Variants in RAPGEF1 observed in about 807,000 individuals in gnomAD.
RAPGEF1 encodes CRK SH3-binding GNRP.
RAPGEF1 carries 33 observed loss-of-function variants against 143.3 expected under a neutral mutation model. That is an observed-to-expected ratio of 0.23 (90% confidence interval 0.17 to 0.31). The LOEUF (loss-of-function observed/expected upper bound fraction) is 0.31, where lower values mean the gene tolerates loss of function less well. RAPGEF1 is among the 10% of genes least tolerant of loss of function. The pLI is 1.00. For missense variants in RAPGEF1, 1,199 were observed against 1,645.4 expected, an observed-to-expected ratio of 0.73 and a Z score of 4.69; for synonymous variants, 629 against 676.5, an observed-to-expected ratio of 0.93 and a Z score of 1.09.
intron 1 of RAPGEF1, among the ~76,000 whole-genome samples, chr9:131,722,840 T>G (rs137946899): frequency 1.2e-3 from 177 of 151,920 alleles, no homozygotes; most frequent in African/African-American, 4.1e-3. Context: ...CACTCCAGCC[T>G]GGATAACAGA....
intron 20 of RAPGEF1, 39 bp downstream of exon 20, chr9:131,588,762 C>T: frequency 6.4e-7 from 1 of 1,574,368 alleles, no homozygotes; most frequent in Non-Finnish European, 8.6e-7. Flanking sequence ...AGGCACGGCT[C>T]CTGGGGAAGA....
At chr9:131,735,045 G>T (rs531536780) in intron 1 of RAPGEF1, among the ~76,000 whole-genome samples, 14 of 152,288 alleles carry the variant, frequency 9.2e-5, no homozygotes, top group African/African-American at 3.4e-4. Context: ...GGAAGGAAAG[G>T]GACTTTAAAA....
At chr9:131,671,678 T>C (rs904473212) in intron 1 of RAPGEF1, among the ~76,000 whole-genome samples, 1 of 152,102 alleles carries the variant, frequency 6.6e-6, no homozygotes, top group Non-Finnish European at 1.5e-5. Flanking sequence ...GAAAAGTTCA[T>C]GAATGGAGGC....
intron 1 of RAPGEF1, among the ~76,000 whole-genome samples, chr9:131,695,163 T>C (rs1315164865): frequency 1.3e-5 from 2 of 152,204 alleles, no homozygotes; most frequent in African/African-American, 4.8e-5. Flanking sequence ...GTCTAATCAA[T>C]GTTCATTAGA....
intron 1 of RAPGEF1, among the ~76,000 whole-genome samples, chr9:131,724,772 G>A (rs1289935650): frequency 6.8e-6 from 1 of 147,984 alleles, no homozygotes; most frequent in Non-Finnish European, 1.5e-5. Context: ...CACAGGAAAT[G>A]TCAAGGTCCC....
Position 131,629,000 on chromosome 9 carries a change from G to A in RAPGEF1, c.893+102C>T, listed in dbSNP as rs939797573. On this transcript the variant is annotated intron_variant, in intron 7 of 26. Coordinates refer to ENST00000683357, the MANE Select transcript of RAPGEF1 (RefSeq NM_001377935.1). The surrounding 1 kb of genome is among the most constrained non-coding windows in gnomAD (Gnocchi z 5.7). Reference sequence around the variant, plus strand: ...CTCCAGAGTCAGCCTCCCAAGGGGGGCCAAGCCCTCAGCGCTGAGGGGAAA... The same window carrying A: ...CTCCAGAGTCAGCCTCCCAAGGGGGACCAAGCCCTCAGCGCTGAGGGGAAA... 138 of 1,440,542 alleles carry A rather than the reference G, an allele frequency of 9.6e-5. No individual in the cohort carries two copies. Among genetic ancestry groups the A allele is most frequent in the Non-Finnish European group, 1.2e-4 (131 of 1,079,868 alleles). The allele number at this position is 1,440,542 out of a possible 1,614,324, so 89.2% of individuals were successfully genotyped here.
intron 1 of RAPGEF1, among the ~76,000 whole-genome samples, chr9:131,716,421 A>T (rs192550885): frequency 7.2e-5 from 11 of 152,338 alleles, no homozygotes; most frequent in Admixed American, 4.6e-4. Flanking sequence ...GAAAGGGAGA[A>T]ATTTGGAAGA....
rs1301807514 is a variant in RAPGEF1, at chr9:131,676,000, C to CAA, written c.62-25053_62-25052dup. Among the ~76,000 whole-genome samples the CAA allele has an allele frequency of 6.6e-6, 1 of 151,814 alleles. No homozygotes were observed. Among genetic ancestry groups the CAA allele is most frequent in the East Asian group, 1.9e-4 (1 of 5,174 alleles). On this transcript the variant is annotated intron_variant, in intron 1 of 26. Coordinates refer to ENST00000683357, the MANE Select transcript of RAPGEF1 (RefSeq NM_001377935.1). The surrounding 1 kb of genome is among the most constrained non-coding windows in gnomAD (Gnocchi z 4.6). ...CACTACAGCCTTGAACTCCTGGGCTCAAGTGATCCTTCCACCTTGGCCTCT... is the reference window on the plus strand; with the variant it reads ...CACTACAGCCTTGAACTCCTGGGCTCAAAAGTGATCCTTCCACCTTGGCCTCT...
chr9:131,592,521 A>T (rs552853166), intron 17 of RAPGEF1, among the ~76,000 whole-genome samples: 4 of 152,174 alleles, frequency 2.6e-5, no homozygotes, highest in African/African-American at 7.2e-5. Flanking sequence ...CCAGCGGAAA[A>T]GGGCACTTAG....
At chr9:131,711,720 C>T (rs929992071) in intron 1 of RAPGEF1, among the ~76,000 whole-genome samples, 15 of 152,296 alleles carry the variant, frequency 9.8e-5, no homozygotes, top group Admixed American at 9.2e-4. Flanking sequence ...TATCTGGCTT[C>T]GGTCAATTTA....
At chr9:131,695,094 G>A (rs561996670) in intron 1 of RAPGEF1, among the ~76,000 whole-genome samples, 1 of 151,922 alleles carries the variant, frequency 6.6e-6, no homozygotes, top group African/African-American at 2.4e-5. Flanking sequence ...TAGCAATATA[G>A]GTTTCATGAG....
At chr9:131,580,464 G>A in intron 25 of RAPGEF1, 73 bp from the exon 26 acceptor site, 1 of 1,532,288 alleles carries the variant, frequency 6.5e-7, no homozygotes, top group South Asian at 1.2e-5. Flanking sequence ...ACATGTGTCA[G>A]GCGCTAGGAC....
At chr9:131,622,328 C>G (rs1305623346) in intron 10 of RAPGEF1, among the ~76,000 whole-genome samples, 3 of 152,206 alleles carry the variant, frequency 2.0e-5, no homozygotes, top group African/African-American at 7.2e-5. Flanking sequence ...AGGCATGTCG[C>G]AAGTGCCACG....
chr9:131,626,541 A>AG, intron 9 of RAPGEF1, 119 bp from the exon 10 acceptor site: 1 of 1,000,268 alleles, frequency 1.0e-6, no homozygotes, highest in African/African-American at 1.6e-5. Context: ...ACCTGTCTCC[A>AG]GGGCTTATTT....
At chr9:131,685,500 A>G (rs1377839446) in intron 1 of RAPGEF1, among the ~76,000 whole-genome samples, 2 of 152,192 alleles carry the variant, frequency 1.3e-5, no homozygotes, top group Non-Finnish European at 2.9e-5. Flanking sequence ...GCCACAAACA[A>G]TAACATGAGC....
intron 15 of RAPGEF1, among the ~76,000 whole-genome samples, chr9:131,599,770 C>A (rs1022759981): frequency 6.6e-6 from 1 of 152,108 alleles, no homozygotes; most frequent in African/African-American, 2.4e-5. Context: ...TTTATTCTGG[C>A]CCGTCTTGTG....
chr9:131,588,803 G>A lies in RAPGEF1; in HGVS notation c.3051C>T (p.Ala1017=). 6.2e-7 allele frequency: 1 copy of A among 1,611,236 alleles called. No individual in the cohort carries two copies. The highest frequency in any genetic ancestry group is 8.5e-7 in the Non-Finnish European group (1 of 1,178,644). The change falls in exon 20 of 27, where the codon GCC becomes GCT. Residue 1017 remains alanine (A), a splice_region_variant and synonymous_variant. Transcript: ENST00000683357. ...SQPLAARGVA[A]RPGTLHDFHS... ...GGCTGGAGAGGTGGGCTTCTCACCT[G>A]GCTGCTACCCCCCGGGCTGCCAGGG...
rs768589172 is a variant in RAPGEF1 at position 131,650,867 on chromosome 9, T to C, written c.144A>G (p.Ser48=). 2 of 1,613,906 alleles carry C rather than the reference T, an allele frequency of 1.2e-6. No homozygotes were observed. Among genetic ancestry groups the C allele is most frequent in the East Asian group, 4.5e-5 (2 of 44,894 alleles). The change falls in exon 2 of 27, where the codon TCA becomes TCG. Residue 48 remains serine (S), a synonymous_variant. Transcript: ENST00000683357. This position sits in a 1 kb window ranked among gnomAD's most constrained non-coding sequence, Gnocchi z 4.7. ...ACACCTCAGCTGGTTTTCCCTTCTT[T>C]GATGGCGTTCTCTTGATTTTGGGTG... ...FHSPKIKRTP[S]KKGKPAEVSV... is the part of the protein sequence containing the mutation.
At chr9:131,598,052 G>A in intron 16 of RAPGEF1, 147 bp downstream of exon 16, 1 of 675,924 alleles carries the variant, frequency 1.5e-6, no homozygotes, top group South Asian at 1.8e-5. Context: ...AGAGCCCACA[G>A]CCCAGAGGCT....
Sources: gnomAD v4.1 joint callset for allele counts (sites outside exome capture counted in the v4.1 genomes callset) on GRCh38, gnomAD v4.1.1 for gene constraint, Gnocchi (gnomAD v3.1) non-coding constraint, MANE v1.5 for transcripts, NCBI Gene and HGNC (gene_info 2026-07-23, HGNC 2026-07-21) for gene names.